ANKLE2: variants seen among roughly 807,000 people sequenced by gnomAD.
ANKLE2 encodes the protein ankyrin repeat and LEM domain-containing protein 2.
ANKLE2 carries 55 observed loss-of-function variants against 84.2 expected under a neutral mutation model. The observed-to-expected ratio is 0.65, with a 90% CI of 0.53 to 0.82. The LOEUF (loss-of-function observed/expected upper bound fraction) is 0.82, where lower values mean the gene tolerates loss of function less well. Among genes scored for constraint, ANKLE2 ranks in the 40% least tolerant of loss-of-function variants. ANKLE2 has a pLI of 0.00. For missense variants in ANKLE2, 1,238 were observed against 1,201.9 expected (o/e 1.03, Z -0.44); for synonymous variants, 551 against 486.1 (o/e 1.13, Z -1.76).
Position 132,743,442 on chromosome 12 carries a change from C to T in ANKLE2, c.1231-166G>A, listed in dbSNP as rs1014203484. On this transcript the variant is annotated intron_variant, in intron 5 of 12. Transcript: ENST00000357997. The surrounding 1 kb of genome is among the most constrained non-coding windows in gnomAD (Gnocchi z 4.1). ...GCAACCTCTGCCTCCCGGGTTTAAC[C>T]GATTCTCCTGCCTCAGGCTCCCCAG... is the stretch of plus-strand genomic sequence containing the variant. 4.0e-5 allele frequency among the ~76,000 whole-genome samples: 6 copies of T among 151,884 alleles called. No homozygotes were observed. Among genetic ancestry groups the T allele is most frequent in the African/African-American group, 1.5e-4 (6 of 41,350 alleles).
intron 3 of ANKLE2, among the ~76,000 whole-genome samples, chr12:132,749,627 G>A (rs1178314652): frequency 1.3e-5 from 2 of 152,238 alleles, no homozygotes; most frequent in African/African-American, 4.8e-5. Flanking sequence ...TGGAGTACCA[G>A]CCCGCCAGGG....
At chr12:132,752,415 T>C (rs923904900) in intron 2 of ANKLE2, among the ~76,000 whole-genome samples, 5 of 152,192 alleles carry the variant, frequency 3.3e-5, no homozygotes, top group Admixed American at 6.5e-5. Flanking sequence ...TACTTTCTTT[T>C]TTTTGAGATG....
Position 132,748,121 on chromosome 12 carries a change from GA to G in ANKLE2, c.1041+16del, listed in dbSNP as rs560838816. Reference sequence around the variant, plus strand: ...GCCGGGACCGCACACCTGCCCGAGGGAACCGCCGAGACCTACCTGCACGATA... The same window carrying G: ...GCCGGGACCGCACACCTGCCCGAGGGACCGCCGAGACCTACCTGCACGATA... On this transcript the variant is annotated intron_variant, in intron 4 of 12. Coordinates refer to ENST00000357997, the MANE Select transcript of ANKLE2 (RefSeq NM_015114.3). The G allele has an allele frequency of 2.3e-4, 369 of 1,609,956 alleles. 2 individuals carry two copies. In the East Asian group the frequency reaches 8.2e-3, roughly 36 times the overall value.
chr12:132,750,994 G>A (rs1401588099), intron 2 of ANKLE2, 145 bp from the exon 3 acceptor site: 1 of 694,810 alleles, frequency 1.4e-6, no homozygotes, highest in Admixed American at 2.9e-5. Flanking sequence ...GAAGAAAAAG[G>A]GCCTAAGCTA....
chr12:132,744,614 C>T (rs2044196305), intron 5 of ANKLE2, among the ~76,000 whole-genome samples: 2 of 152,208 alleles, frequency 1.3e-5, no homozygotes, highest in African/African-American at 4.8e-5. Context: ...TACCACCACG[C>T]TACCTGTACT....
intron 6 of ANKLE2, among the ~76,000 whole-genome samples, chr12:132,742,741 T>TCATTCTCACTACCACCATCACCATCA: frequency 6.7e-6 from 1 of 149,598 alleles, no homozygotes; most frequent in South Asian, 2.1e-4. Context: ...AACACCACCA[T>TCATTCTCACTACCACCATCACCATCA]GATCATTGCT....
Position 132,754,848 on chromosome 12 carries a change from T to C in ANKLE2, c.467A>G (p.Asp156Gly), listed in dbSNP as rs761181179. 58 of 1,613,972 alleles carry C rather than the reference T, an allele frequency of 3.6e-5. No individual in the cohort carries two copies. The highest frequency in any genetic ancestry group is 4.8e-5 in the Non-Finnish European group (57 of 1,180,020). Residue 156 changes from aspartate to glycine, a missense_variant, in exon 2 of 13, where the codon GAT (aspartate) becomes GGT (glycine). Physicochemically the swap from Asp to Gly is moderately conservative, Grantham distance 94. Coordinates refer to ENST00000357997, the MANE Select transcript of ANKLE2 (RefSeq NM_015114.3). ...TDQAGFSEDR[D>G]FGYSVGLNPP... ...ATTCAGGCCCACACTGTAACCAAAA[T>C]CTCTGTCTTCAGAAAAACCAGCCTG... is the stretch of plus-strand genomic sequence containing the variant.
In ANKLE2 at chr12:132,761,832, C is replaced by A; in HGVS notation, c.-34G>T. ...CCCGGGCCGCAGCCGCCGAGAAGCC[C>A]GCGCCCCGCGCCGCGCCCGTCCCAG... On this transcript the variant is annotated 5_prime_UTR_variant, in exon 1 of 13. Coordinates refer to ENST00000357997, the MANE Select transcript of ANKLE2 (RefSeq NM_015114.3). 2.0e-6 allele frequency: 2 copies of A among 988,000 alleles called. No individual in the cohort carries two copies. Among genetic ancestry groups the A allele is most frequent in the East Asian group, 1.1e-4 (1 of 8,962 alleles). The allele number at this position is 988,000 out of a possible 1,614,324, so 61.2% of individuals were successfully genotyped here.
At chr12:132,748,444 T>C in intron 3 of ANKLE2, 113 bp from the exon 4 acceptor site, 2 of 1,210,778 alleles carry the variant, frequency 1.7e-6, no homozygotes, top group Non-Finnish European at 1.2e-6. Flanking sequence ...CTGGGCCAAC[T>C]GGGAGGCACA....
intron 7 of ANKLE2, among the ~76,000 whole-genome samples, chr12:132,739,548 CTAA>C (rs1333289426): frequency 6.6e-6 from 1 of 152,188 alleles, no homozygotes; most frequent in Non-Finnish European, 1.5e-5. Context: ...TCATAAAATA[CTAA>C]TGTTTACTTT....
At chr12:132,739,969 G>A (rs1311941995) in intron 7 of ANKLE2, among the ~76,000 whole-genome samples, 1 of 152,218 alleles carries the variant, frequency 6.6e-6, no homozygotes, top group Non-Finnish European at 1.5e-5. Flanking sequence ...GATCTTAGAG[G>A]CGACAGTGTT....
At chr12:132,744,522 C>A (rs1047870012) in intron 5 of ANKLE2, among the ~76,000 whole-genome samples, 4 of 152,164 alleles carry the variant, frequency 2.6e-5, no homozygotes, top group Non-Finnish European at 5.9e-5. Context: ...TGTCCTCCTA[C>A]AGCTCCCTCC....
chr12:132,729,818 G>C lies in ANKLE2; in HGVS notation c.2344C>G (p.Gln782Glu). The change falls in exon 11 of 13, where the codon CAA (glutamine) becomes GAA (glutamate). Residue 782 changes from glutamine to glutamate, a missense_variant. Physicochemically the swap from Gln to Glu is conservative, Grantham distance 29 (BLOSUM62 2). Coordinates refer to ENST00000357997, the MANE Select transcript of ANKLE2 (RefSeq NM_015114.3). ...RDLLEPSPAD[Q>E]LGNGHRRTES... The stretch of plus-strand genomic sequence containing the variant: ...GTCCTCCTGTGGCCATTCCCGAGTT[G>C]GTCTGCGGGAGAAGGCTCTAACAAG... The C allele has an allele frequency of 1.9e-6, 3 of 1,613,244 alleles. No individual in the cohort carries two copies. Among genetic ancestry groups the C allele is most frequent in the Non-Finnish European group, 2.5e-6 (3 of 1,179,752 alleles).
intron 1 of ANKLE2, chr12:132,761,178 C>G (rs2044615873): frequency 6.4e-6 from 1 of 155,998 alleles, no homozygotes; most frequent in South Asian, 2.1e-4. Context: ...TTACATTTGC[C>G]TTTTCCGTCT....
In ANKLE2 at chr12:132,727,009, GA is replaced by G; in HGVS notation, c.*232del. ...CTAAAAAGTCTACCATTACCACATG[GA>G]TATTTTCCAGAAAATTGGTAACTGA... On this transcript the variant is annotated 3_prime_UTR_variant, in exon 13 of 13. Transcript: ENST00000357997. The G allele has an allele frequency of 1.8e-6, 1 of 552,934 alleles. No individual in the cohort carries two copies. Among genetic ancestry groups the G allele is most frequent in the South Asian group, 3.3e-5 (1 of 30,656 alleles). 34.3% of individuals were successfully genotyped at this position (552,934 alleles called of 1,614,324 possible).
At chr12:132,745,250 G>A in intron 5 of ANKLE2, 1 of 184,410 alleles carries the variant, frequency 5.4e-6, no homozygotes. Flanking sequence ...AGGTGGGGCT[G>A]CCCAGGCTAC....
chr12:132,747,924 T>A lies in ANKLE2; in HGVS notation c.1138A>T (p.Met380Leu). The change falls in exon 5 of 13, where the codon ATG becomes TTG. Residue 380 changes from methionine (M) to leucine (L), a missense_variant. Physicochemically the swap from Met to Leu is conservative, Grantham distance 15. This residue lies in a region of ANKLE2 where 802 missense variants were observed against 774.5 expected (regional missense o/e 1.04). Transcript: ENST00000357997. The stretch of plus-strand genomic sequence containing the variant: ...TCGTCATCAGGGTACATCAGCCTCA[T>A]GAAGTCAGGGTTCTCCAGGACGTCC... Reference protein sequence around the residue: ...TLDVLENPDFMRLMYPDDDEA... With the variant: ...TLDVLENPDFLRLMYPDDDEA... 1 of 1,603,868 alleles carries A rather than the reference T, an allele frequency of 6.2e-7. No individual in the cohort carries two copies.
chr12:132,754,482 G>A (rs1290640555), intron 2 of ANKLE2, among the ~76,000 whole-genome samples, 193 bp downstream of exon 2: 5 of 152,170 alleles, frequency 3.3e-5, no homozygotes, highest in Admixed American at 6.5e-5. Context: ...AATTTTAACA[G>A]TTCTCATGTT....
chr12:132,751,064 T>G (rs1338873366), intron 2 of ANKLE2: 3 of 518,254 alleles, frequency 5.8e-6, no homozygotes, highest in Admixed American at 7.2e-5. Context: ...ACATGATATA[T>G]ATTATGTTCA....
Sources: allele counts gnomAD v4.1 joint callset (sites outside exome capture counted in the v4.1 genomes callset), GRCh38; gene constraint gnomAD v4.1.1; regional missense constraint gnomAD v4.1.1; non-coding constraint Gnocchi (gnomAD v3.1); transcripts MANE v1.5; gene names NCBI Gene and HGNC (gene_info 2026-07-23, HGNC 2026-07-21).